The following TXNDC16 variants were observed in gnomAD, a reference collection of about 807,000 sequenced individuals.
TXNDC16 encodes thioredoxin domain-containing protein 16.
TXNDC16 carries 74 observed loss-of-function variants against 85.6 expected under a neutral mutation model. The ratio of observed to expected loss-of-function variants is 0.86; its 90% confidence interval spans 0.72 to 1.05. The LOEUF is 1.05. TXNDC16 is among the 50% of genes least tolerant of loss of function. The pLI is 0.00. For synonymous variants in TXNDC16, 335 were observed against 326.5 expected (o/e 1.03, Z -0.28); for missense variants, 959 against 947.0 (o/e 1.01, Z -0.17).
intron 18 of TXNDC16, among the ~76,000 whole-genome samples, chr14:52,446,827 G>T (rs2035295406): frequency 6.6e-6 from 1 of 152,128 alleles, no homozygotes; most frequent in Non-Finnish European, 1.5e-5. Flanking sequence ...CCCTGGGCCA[G>T]AAGGGAAACT....
chr14:52,486,705 C>G (rs2036281108), intron 12 of TXNDC16, among the ~76,000 whole-genome samples: 1 of 151,976 alleles, frequency 6.6e-6, no homozygotes, highest in African/African-American at 2.4e-5. Flanking sequence ...GATACAGGCA[C>G]AACACCATAC....
At chr14:52,436,860 C>T (rs1332654064) in intron 20 of TXNDC16, among the ~76,000 whole-genome samples, 1 of 151,818 alleles carries the variant, frequency 6.6e-6, no homozygotes, top group Admixed American at 6.6e-5. Flanking sequence ...TATATACACA[C>T]ACATACAAAC....
rs1283106395 is a variant in TXNDC16, at chr14:52,543,390, ATACT to A, written c.160+4_160+7del. On this transcript the variant is annotated splice_donor_5th_base_variant and intron_variant, in intron 3 of 20. Transcript: ENST00000281741. The stretch of plus-strand genomic sequence containing the variant: ...CAAGAATCATATTAGAATTTTAAAA[ATACT>A]TACCAGCTTGACAAAAATAAGCTAA... 6.3e-7 allele frequency: 1 copy of A among 1,598,022 alleles called. No individual in the cohort carries two copies. Among genetic ancestry groups the A allele is most frequent in the Non-Finnish European group, 8.5e-7 (1 of 1,175,618 alleles).
chr14:52,514,881 C>A lies in TXNDC16; in HGVS notation c.604G>T (p.Gly202Cys). The change falls in exon 8 of 21, where the codon GGC becomes TGC. Residue 202 changes from glycine (G) to cysteine (C), a missense_variant and splice_region_variant. Transcript: ENST00000281741. The stretch of plus-strand genomic sequence containing the variant: ...TTGACATATGCTTTTTATACATACC[C>A]AATACTTTCCAAAAGGGCAATTTCT... ...TTEIALLESI[G>C]SEDVEYAHLY... is the part of the protein sequence containing the mutation. 1 of 1,606,548 alleles carries A rather than the reference C, an allele frequency of 6.2e-7. No homozygotes were observed. Among genetic ancestry groups the A allele is most frequent in the Non-Finnish European group, 8.5e-7 (1 of 1,175,946 alleles).
chr14:52,451,328 G>GT (rs905722988), intron 18 of TXNDC16, among the ~76,000 whole-genome samples: 10 of 150,512 alleles, frequency 6.6e-5, no homozygotes, highest in African/African-American at 2.4e-4. Context: ...GGAGAAAGGA[G>GT]TAATTCCAAA....
chr14:52,501,471 G>T (rs1175251628), intron 9 of TXNDC16, among the ~76,000 whole-genome samples: 11 of 152,076 alleles, frequency 7.2e-5, no homozygotes, highest in African/African-American at 2.7e-4. Context: ...CAGAAACCCA[G>T]GCTAATTTGC....
At chr14:52,535,120 C>T (rs929820872) in intron 6 of TXNDC16, among the ~76,000 whole-genome samples, 3 of 152,156 alleles carry the variant, frequency 2.0e-5, no homozygotes, top group African/African-American at 7.2e-5. Context: ...TCTGTTTCTT[C>T]ACCCCCATTT....
chr14:52,523,608 C>G (rs1489589362), intron 6 of TXNDC16, among the ~76,000 whole-genome samples: 4 of 152,162 alleles, frequency 2.6e-5, no homozygotes, highest in Non-Finnish European at 5.9e-5. Flanking sequence ...ATCCCAAAGT[C>G]TTTTAATAAG....
intron 6 of TXNDC16, among the ~76,000 whole-genome samples, chr14:52,534,694 C>T (rs551589292): frequency 6.6e-6 from 1 of 152,240 alleles, no homozygotes; most frequent in East Asian, 1.9e-4. Context: ...TCCATTAGCC[C>T]TTATGCATAC....
At chr14:52,484,753 T>C (rs4901280) in intron 12 of TXNDC16, among the ~76,000 whole-genome samples, 38,880 of 151,900 alleles carry the variant, frequency 0.26, 5,104 homozygotes, top group East Asian at 0.38. Flanking sequence ...TGGTGGCGCA[T>C]GCTTGTAATC....
chr14:52,525,144 C>A (rs2037298046), intron 6 of TXNDC16, among the ~76,000 whole-genome samples: 1 of 151,912 alleles, frequency 6.6e-6, no homozygotes, highest in Non-Finnish European at 1.5e-5. Context: ...TTCATTGCAA[C>A]TGCTGCCTCA....
intron 18 of TXNDC16, among the ~76,000 whole-genome samples, chr14:52,444,439 C>T (rs1353284444): frequency 1.3e-5 from 2 of 152,016 alleles, no homozygotes; most frequent in East Asian, 3.8e-4. Flanking sequence ...AACTTCATAC[C>T]ATAATAAAAA....
chr14:52,484,198 A>G (rs1193867771), intron 12 of TXNDC16, among the ~76,000 whole-genome samples: 2 of 140,452 alleles, frequency 1.4e-5, no homozygotes, highest in African/African-American at 2.6e-5. Context: ...CAAAACAATA[A>G]GGGGGGGGGG....
chr14:52,451,814 A>T (rs2035419368), intron 18 of TXNDC16, among the ~76,000 whole-genome samples: 1 of 152,186 alleles, frequency 6.6e-6, no homozygotes, highest in Non-Finnish European at 1.5e-5. Flanking sequence ...CTATTATTCA[A>T]CATAGTACTG....
rs2035868988 is a variant in TXNDC16 at position 52,470,071 on chromosome 14, T to C, written c.1584A>G (p.Ser528=). The change falls in exon 16 of 21, where the codon TCA becomes TCG. Residue 528 remains serine (S), a synonymous_variant. Transcript: ENST00000281741. ...TGGTTGGACTAAATAGTCCCAATAC[T>C]GACACACTAGAATACAAGATGAGGT... ...YKDLILYSSV[S]VLGLFSPTMK... The C allele has an allele frequency of 6.2e-7, 1 of 1,611,174 alleles. No individual in the cohort carries two copies. Among genetic ancestry groups the C allele is most frequent in the Non-Finnish European group, 8.5e-7 (1 of 1,178,724 alleles).
chr14:52,432,658 G>T, intron 20 of TXNDC16, 71 bp from the exon 21 acceptor site: 3 of 1,305,824 alleles, frequency 2.3e-6, no homozygotes, highest in South Asian at 1.8e-5. Flanking sequence ...ATTAGAAAAT[G>T]TTTTATTTTG....
intron 19 of TXNDC16, 61 bp from the exon 20 acceptor site, chr14:52,439,455 G>T: frequency 6.9e-7 from 1 of 1,440,808 alleles, no homozygotes; most frequent in Non-Finnish European, 9.4e-7. Flanking sequence ...AATGAAAATA[G>T]TAATTCGTAG....
At chr14:52,498,119 C>T (rs962539800) in intron 9 of TXNDC16, among the ~76,000 whole-genome samples, 6 of 152,138 alleles carry the variant, frequency 3.9e-5, no homozygotes, top group African/African-American at 1.4e-4. Context: ...TAAAAACTCA[C>T]AATAAACTAG....
At chr14:52,477,372 C>A (rs547098877) in intron 14 of TXNDC16, among the ~76,000 whole-genome samples, 3 of 152,258 alleles carry the variant, frequency 2.0e-5, no homozygotes, top group Non-Finnish European at 4.4e-5. Flanking sequence ...ACTTAAGACA[C>A]AGAATTGCAA....
Sources: gnomAD v4.1 joint callset for allele counts (sites outside exome capture counted in the v4.1 genomes callset) on GRCh38, gnomAD v4.1.1 for gene constraint, MANE v1.5 for transcripts, NCBI Gene and HGNC (gene_info 2026-07-23, HGNC 2026-07-21) for gene names.